Variants in CDON observed in about 807,000 individuals in gnomAD.
CDON encodes cell adhesion associated, oncogene regulated, also known as cell adhesion molecule-related/down-regulated by oncogenes.
Under a neutral mutation model 120.9 loss-of-function variants are expected in CDON, and 73 were observed. The ratio of observed to expected loss-of-function variants is 0.60; its 90% CI spans 0.50 to 0.73. The LOEUF (loss-of-function observed/expected upper bound fraction) is 0.73, where lower values mean the gene tolerates loss of function less well. Ranked by LOEUF, CDON falls within the 30% of genes least tolerant of loss-of-function variation. The pLI, the probability that CDON is intolerant of heterozygous loss-of-function variation, is 0.00. For missense variants in CDON, 1,470 were observed against 1,587.3 expected (o/e 0.93, Z 1.26); for synonymous variants, 566 against 573.5 (o/e 0.99, Z 0.19).
chr11:126,024,317 G>GA (rs2134713065), intron 1 of CDON, among the ~76,000 whole-genome samples: 1 of 152,322 alleles, frequency 6.6e-6, no homozygotes, highest in East Asian at 1.9e-4. Context: ...GGCTGAAGTG[G>GA]AAAAGGGAGA....
intron 1 of CDON, among the ~76,000 whole-genome samples, chr11:126,047,126 G>A (rs904582871): frequency 4.6e-5 from 7 of 152,084 alleles, no homozygotes; most frequent in Admixed American, 2.6e-4. Context: ...GCTATCCCTT[G>A]CTTCATACCT....
intron 1 of CDON, among the ~76,000 whole-genome samples, chr11:126,044,177 G>T (rs139060926): frequency 3.9e-5 from 6 of 152,282 alleles, no homozygotes; most frequent in African/African-American, 1.4e-4. Context: ...CACACATACT[G>T]CACAGATCCC....
At chr11:125,984,383 T>G (rs920743328) in intron 15 of CDON, among the ~76,000 whole-genome samples, 2 of 152,200 alleles carry the variant, frequency 1.3e-5, no homozygotes, top group African/African-American at 4.8e-5. Flanking sequence ...TGGAGAAAAC[T>G]CCCAGAGTTG....
Position 125,995,048 on chromosome 11 carries a change from T to G in CDON, c.2367A>C (p.Ser789=), listed in dbSNP as rs767358799. 17 of 1,613,596 alleles carry G rather than the reference T, an allele frequency of 1.1e-5. No individual in the cohort carries two copies. The South Asian group carries it at 1.6e-4, about 16-fold the overall frequency. The change falls in exon 13 of 20, where the codon TCA becomes TCC. Residue 789 remains serine (S), a synonymous_variant. Transcript: ENST00000531738. The stretch of plus-strand genomic sequence containing the variant: ...TGGCAATGACCCTAAATTTGTATGT[T>G]GAACCTTTGAGGGAAAACAAAAACA... The part of the protein sequence containing the change: ...SVEVRSLEPG[S]TYKFRVIAIN...
chr11:125,971,252 G>T (rs569088463), intron 18 of CDON, among the ~76,000 whole-genome samples: 1 of 151,892 alleles, frequency 6.6e-6, no homozygotes, highest in Non-Finnish European at 1.5e-5. Context: ...GTGTGGTGGC[G>T]GGCACTTGTA....
chr11:126,060,344 C>A (rs967382801), intron 1 of CDON, among the ~76,000 whole-genome samples: 3 of 152,200 alleles, frequency 2.0e-5, no homozygotes, highest in African/African-American at 7.2e-5. Flanking sequence ...TACAGCTCCA[C>A]TGTATTGTCT....
intron 1 of CDON, among the ~76,000 whole-genome samples, chr11:126,038,705 T>C (rs1329645783): frequency 6.6e-6 from 1 of 152,070 alleles, no homozygotes; most frequent in Non-Finnish European, 1.5e-5. Context: ...CATTTCCAAT[T>C]TGAAAACTAT....
intron 14 of CDON, among the ~76,000 whole-genome samples, chr11:125,990,367 G>C (rs1296306812): frequency 6.6e-6 from 1 of 152,176 alleles, no homozygotes; most frequent in African/African-American, 2.4e-5. Flanking sequence ...TTTGAGTCAA[G>C]ATCTCCAAAC....
rs554412611 is a variant in CDON at position 125,958,259 on chromosome 11, A to G, written c.*2683T>C. On this transcript the variant is annotated 3_prime_UTR_variant, in exon 20 of 20. Transcript: ENST00000531738. Reference sequence around the variant, plus strand: ...GGAGGAGCCCAGATTATGGCTCCAGATAAACTAGGTTCGGATTCAGGTCCC... The same window carrying G: ...GGAGGAGCCCAGATTATGGCTCCAGGTAAACTAGGTTCGGATTCAGGTCCC... The G allele has an allele frequency of 6.6e-6, 1 of 152,322 alleles. No homozygotes were observed. The highest frequency in any genetic ancestry group is 2.1e-4 in the South Asian group (1 of 4,830). 9.4% of individuals were successfully genotyped at this position (152,322 alleles called of 1,614,324 possible).
intron 2 of CDON, 70 bp from the exon 3 acceptor site, chr11:126,021,590 T>G: frequency 7.8e-7 from 1 of 1,279,700 alleles, no homozygotes; most frequent in Non-Finnish European, 1.1e-6. Context: ...AAGATTACAT[T>G]AAACACATTT....
In CDON at chr11:126,045,248, G is replaced by A. The variant is rs549395298; in HGVS notation, c.-62+17331C>T. 8.5e-5 allele frequency among the ~76,000 whole-genome samples: 13 copies of A among 152,136 alleles called. No individual in the cohort carries two copies. In the South Asian group the frequency reaches 2.3e-3, roughly 27 times the overall value. ...TCACCATGTTGGCCAGGATGGTCTC[G>A]ATCTCTTGACCTCGTGATCCGGCTG... On this transcript the variant is annotated intron_variant, in intron 1 of 19. Coordinates refer to ENST00000531738, the MANE Select transcript of CDON (RefSeq NM_001378964.1).
At chr11:126,005,735 AGAT>A (rs1455344461) in intron 9 of CDON, 21 bp downstream of exon 9, 1 of 1,608,890 alleles carries the variant, frequency 6.2e-7, no homozygotes, top group Non-Finnish European at 8.5e-7. Flanking sequence ...GAGCCGAGAA[AGAT>A]GATAAACGAC....
At chr11:126,042,051 A>G (rs1948276906) in intron 1 of CDON, among the ~76,000 whole-genome samples, 1 of 152,124 alleles carries the variant, frequency 6.6e-6, no homozygotes, top group East Asian at 1.9e-4. Flanking sequence ...CGCCCAGCTA[A>G]TTTTGTATTT....
chr11:125,994,216 T>A, intron 14 of CDON, 68 bp downstream of exon 14: 1 of 834,970 alleles, frequency 1.2e-6, no homozygotes, highest in South Asian at 1.4e-5. Context: ...GGATGATGCA[T>A]TTTATATTCA....
At chr11:126,008,508 T>C (rs2134616288) in intron 8 of CDON, among the ~76,000 whole-genome samples, 1 of 152,332 alleles carries the variant, frequency 6.6e-6, no homozygotes, top group South Asian at 2.1e-4. Flanking sequence ...CAGGGGAATC[T>C]TAAAGATCTT....
chr11:125,992,893 T>TG (rs893237354), intron 14 of CDON, among the ~76,000 whole-genome samples: 96 of 152,322 alleles, frequency 6.3e-4, no homozygotes, highest in African/African-American at 4.3e-4. Flanking sequence ...ATCAGAATCT[T>TG]GGAGTGCAAA....
rs1946392935 is a variant in CDON at position 125,984,099 on chromosome 11, T to G, written c.2774-6A>C. The G allele has an allele frequency of 6.3e-7, 1 of 1,583,334 alleles. No homozygotes were observed. The highest frequency in any genetic ancestry group is 1.3e-5 in the African/African-American group (1 of 74,284). On this transcript the variant is annotated splice_polypyrimidine_tract_variant and splice_region_variant and intron_variant, in intron 15 of 19. Transcript: ENST00000531738. ...AGCTCCAGGAACACGTTTCACTAGTTGAAATATAAAGGAAAACATGATGTC... is the reference window on the plus strand; with the variant it reads ...AGCTCCAGGAACACGTTTCACTAGTGGAAATATAAAGGAAAACATGATGTC...
At chr11:125,983,766 T>C (rs1464065667) in intron 16 of CDON, 106 bp downstream of exon 16, 4 of 847,270 alleles carry the variant, frequency 4.7e-6, no homozygotes, top group East Asian at 2.6e-5. Context: ...ATGTGTTTCA[T>C]ACCATGACAC....
At chr11:125,972,043 C>G (rs925924664) in intron 18 of CDON, among the ~76,000 whole-genome samples, 2 of 152,208 alleles carry the variant, frequency 1.3e-5, no homozygotes, top group African/African-American at 4.8e-5. Context: ...TTGATTAGGT[C>G]TCTGGTGTAA....
Sources: allele counts gnomAD v4.1 joint callset (sites outside exome capture counted in the v4.1 genomes callset), GRCh38; gene constraint gnomAD v4.1.1; transcripts MANE v1.5; gene names NCBI Gene and HGNC (gene_info 2026-07-23, HGNC 2026-07-21).